Variants in YWHAG observed in about 807,000 individuals in gnomAD.
The protein encoded by YWHAG is 14-3-3 protein gamma.
In YWHAG, 1 loss-of-function variant was observed where a neutral mutation model predicts 23.3. The ratio of observed to expected loss-of-function variants is 0.04; its 90% confidence interval spans 0.02 to 0.20. The LOEUF (loss-of-function observed/expected upper bound fraction) is 0.20, where lower values mean the gene tolerates loss of function less well. Among genes scored for constraint, YWHAG ranks in the 10% least tolerant of loss-of-function variants. The pLI, the probability that YWHAG is intolerant of heterozygous loss-of-function variation, is 1.00. For synonymous variants in YWHAG, 160 were observed against 144.0 expected, an observed-to-expected ratio of 1.11 and a Z score of -0.80; for missense variants, 151 against 338.6, an observed-to-expected ratio of 0.45 and a Z score of 4.35.
chr7:76,357,995 T>C (rs552754362), intron 1 of YWHAG, among the ~76,000 whole-genome samples: 1 of 152,272 alleles, frequency 6.6e-6, no homozygotes, highest in East Asian at 1.9e-4. Context: ...CATTAGGGAA[T>C]AAAATGGAGA....
chr7:76,349,889 G>T (rs1368566348), intron 1 of YWHAG, among the ~76,000 whole-genome samples: 2 of 152,186 alleles, frequency 1.3e-5, no homozygotes, highest in Non-Finnish European at 2.9e-5. Flanking sequence ...AGCTACTGGG[G>T]AGGCTGAGGT....
At position 76,327,237 on chromosome 7, in the gene YWHAG, C is replaced by T. The variant is rs982224489; in HGVS notation, c.*2340G>A. ...AAAAATTAAATTAAAAAAAAAAAACCTTTAAAAAATTTGAAGACTTAATTT... is the reference window on the plus strand; with the variant it reads ...AAAAATTAAATTAAAAAAAAAAAACTTTTAAAAAATTTGAAGACTTAATTT... On this transcript the variant is annotated 3_prime_UTR_variant, in exon 2 of 2. Coordinates refer to ENST00000307630, the MANE Select transcript of YWHAG (RefSeq NM_012479.4). The T allele has an allele frequency of 1.4e-4, 21 of 151,230 alleles. No individual in the cohort carries two copies. Among genetic ancestry groups the T allele is most frequent in the African/African-American group, 4.9e-4 (20 of 41,146 alleles). The allele number at this position is 151,230 out of a possible 1,614,324, so 9.4% of individuals were successfully genotyped here. A position where few individuals can be genotyped will look rare whatever the true frequency, so the allele number is the denominator to read the frequency against.
At chr7:76,335,950 C>G (rs918478889) in intron 1 of YWHAG, among the ~76,000 whole-genome samples, 1 of 151,956 alleles carries the variant, frequency 6.6e-6, no homozygotes, top group Non-Finnish European at 1.5e-5. Context: ...CTGTCCGCAC[C>G]CCCACCACAC....
rs770088071 is a variant in YWHAG at position 76,358,708 on chromosome 7, G to A, written c.87+14C>T. 1.5e-5 allele frequency: 24 copies of A among 1,572,756 alleles called. No individual in the cohort carries two copies. The highest frequency in any genetic ancestry group is 1.8e-5 in the Non-Finnish European group (21 of 1,159,302). ...AGGGGCAGGGAGCGGCGGGGGAGGG[G>A]AGGAGACACTCACGTTCTTCATGGC... On this transcript the variant is annotated intron_variant, in intron 1 of 1. Coordinates refer to ENST00000307630, the MANE Select transcript of YWHAG (RefSeq NM_012479.4).
chr7:76,329,503 G>T lies in YWHAG; in HGVS notation c.*74C>A. On this transcript the variant is annotated 3_prime_UTR_variant, in exon 2 of 2. Transcript: ENST00000307630. The surrounding 1 kb of genome is among the most constrained non-coding windows in gnomAD (Gnocchi z 6.1). ...ATCCCTCCCTTTCCCTCCCCCACCC[G>T]ACCCCCAACTCATGGGAAAAAAATA... 2 of 470,078 alleles carry T rather than the reference G, an allele frequency of 4.3e-6. No homozygotes were observed. The highest frequency in any genetic ancestry group is 3.8e-6 in the Non-Finnish European group (1 of 263,832). The allele number at this position is 470,078 out of a possible 1,614,324, so 29.1% of individuals were successfully genotyped here. A position where few individuals can be genotyped will look rare whatever the true frequency, so the allele number is the denominator to read the frequency against.
At chr7:76,354,296 A>C (rs1803917967) in intron 1 of YWHAG, among the ~76,000 whole-genome samples, 1 of 152,112 alleles carries the variant, frequency 6.6e-6, no homozygotes, top group Non-Finnish European at 1.5e-5. Flanking sequence ...AGATCACCTG[A>C]AGTCAGGAGT....
At chr7:76,334,644 G>A (rs1340941394) in intron 1 of YWHAG, among the ~76,000 whole-genome samples, 1 of 151,812 alleles carries the variant, frequency 6.6e-6, no homozygotes, top group Non-Finnish European at 1.5e-5. Context: ...TCGAACTCCT[G>A]AGCACAAGTG....
At chr7:76,347,448 A>C (rs1031710336) in intron 1 of YWHAG, among the ~76,000 whole-genome samples, 4 of 152,086 alleles carry the variant, frequency 2.6e-5, no homozygotes, top group Non-Finnish European at 5.9e-5. Context: ...AATACAAAAA[A>C]ATTAGCTGGG....
At chr7:76,334,482 C>T (rs763246634) in intron 1 of YWHAG, among the ~76,000 whole-genome samples, 3 of 149,834 alleles carry the variant, frequency 2.0e-5, no homozygotes, top group Non-Finnish European at 4.4e-5. Flanking sequence ...GGCTGGAGTA[C>T]AGTGGTGCAA....
At chr7:76,335,303 G>A (rs566107325) in intron 1 of YWHAG, among the ~76,000 whole-genome samples, 70 of 152,258 alleles carry the variant, frequency 4.6e-4, no homozygotes, top group African/African-American at 1.3e-3. Flanking sequence ...TGATCCGCCC[G>A]CCTCGGCCTC....
chr7:76,349,814 T>C (rs1008470277), intron 1 of YWHAG, among the ~76,000 whole-genome samples: 3 of 152,176 alleles, frequency 2.0e-5, no homozygotes, highest in African/African-American at 7.2e-5. Context: ...GCTAACATGG[T>C]GAAACCTGGT....
chr7:76,353,158 T>C (rs1387617775), intron 1 of YWHAG, among the ~76,000 whole-genome samples: 3 of 152,346 alleles, frequency 2.0e-5, no homozygotes, highest in African/African-American at 7.2e-5. Flanking sequence ...AAAATCATGG[T>C]AGCAAACCAA....
intron 1 of YWHAG, among the ~76,000 whole-genome samples, chr7:76,356,616 T>C (rs1383149103): frequency 6.6e-6 from 1 of 152,246 alleles, no homozygotes; most frequent in Non-Finnish European, 1.5e-5. Flanking sequence ...TCATAAACTA[T>C]ATTCTTGTTT....
rs780366000 is a variant in YWHAG at position 76,330,167 on chromosome 7, C to A, written c.154G>T (p.Val52Phe). The A allele has an allele frequency of 6.2e-7, 1 of 1,610,806 alleles. No individual in the cohort carries two copies. The highest frequency in any genetic ancestry group is 1.4e-5 in the African/African-American group (1 of 73,856). The change falls in exon 2 of 2, where the codon GTT (valine) becomes TTT (phenylalanine). Residue 52 changes from valine to phenylalanine, a missense_variant. By Grantham distance (50) the Val-to-Phe change is conservative (BLOSUM62 -1). Coordinates refer to ENST00000307630, the MANE Select transcript of YWHAG (RefSeq NM_012479.4). ...RNLLSVAYKN[V>F]VGARRSSWRV... ...CAGGAAGAGCGGCGTGCCCCCACAACGTTCTTGTAGGCCACAGACAGAAGG... is the reference window on the plus strand; with the variant it reads ...CAGGAAGAGCGGCGTGCCCCCACAAAGTTCTTGTAGGCCACAGACAGAAGG...
Position 76,329,465 on chromosome 7 carries a change from C to A in YWHAG, c.*112G>T. Reference sequence around the variant, plus strand: ...AAGACAGGACAGGTCGTGGGTTTCTCCCTGGGAAGGTCATCCCTCCCTTTC... The same window carrying A: ...AAGACAGGACAGGTCGTGGGTTTCTACCTGGGAAGGTCATCCCTCCCTTTC... On this transcript the variant is annotated 3_prime_UTR_variant, in exon 2 of 2. Transcript: ENST00000307630. The surrounding 1 kb of genome is among the most constrained non-coding windows in gnomAD (Gnocchi z 6.1). 1 of 1,320,512 alleles carries A rather than the reference C, an allele frequency of 7.6e-7. No individual in the cohort carries two copies. Among genetic ancestry groups the A allele is most frequent in the Admixed American group, 2.8e-5 (1 of 35,472 alleles). The allele number at this position is 1,320,512 out of a possible 1,614,324, so 81.8% of individuals were successfully genotyped here. A position where few individuals can be genotyped will look rare whatever the true frequency, so the allele number is the denominator to read the frequency against.
At chr7:76,357,882 G>C (rs993278129) in intron 1 of YWHAG, among the ~76,000 whole-genome samples, 4 of 152,056 alleles carry the variant, frequency 2.6e-5, no homozygotes, top group African/African-American at 9.7e-5. Flanking sequence ...ACGCGTGCCT[G>C]TATTCAAAAA....
intron 1 of YWHAG, among the ~76,000 whole-genome samples, chr7:76,338,455 G>A (rs1478600467): frequency 1.3e-5 from 2 of 152,106 alleles, no homozygotes; most frequent in East Asian, 3.9e-4. Flanking sequence ...TATTACACTC[G>A]CTTTACAGGT....
chr7:76,349,781 GTCAGGAGT>G (rs751489729), intron 1 of YWHAG, among the ~76,000 whole-genome samples: 2 of 152,168 alleles, frequency 1.3e-5, no homozygotes, highest in Non-Finnish European at 2.9e-5. Flanking sequence ...ATCACTTGAG[GTCAGGAGT>G]TCGAGATCAG....
At chr7:76,351,373 C>A (rs1431999470) in intron 1 of YWHAG, among the ~76,000 whole-genome samples, 1 of 122,722 alleles carries the variant, frequency 8.1e-6, no homozygotes, top group Non-Finnish European at 1.6e-5. Flanking sequence ...TCATTCTTCT[C>A]GCCTTTCTGA....
Sources: gnomAD v4.1 joint callset for allele counts (sites outside exome capture counted in the v4.1 genomes callset) on GRCh38, gnomAD v4.1.1 for gene constraint, Gnocchi (gnomAD v3.1) non-coding constraint, MANE v1.5 for transcripts, NCBI Gene and HGNC (gene_info 2026-07-23, HGNC 2026-07-21) for gene names.